EPS15: variants seen among roughly 807,000 people sequenced by gnomAD.
EPS15 encodes the protein epidermal growth factor receptor substrate 15.
In EPS15, 72 loss-of-function variants were observed where a neutral mutation model predicts 113.8. The observed-to-expected ratio is 0.63, with a 90% CI of 0.52 to 0.77. The LOEUF is 0.77. EPS15 is among the 30% of genes least tolerant of loss of function. The pLI, the probability that EPS15 is intolerant of heterozygous loss-of-function variation, is 0.00. For synonymous variants in EPS15, 344 were observed against 363.4 expected (o/e 0.95, Z 0.61); for missense variants, 1,048 against 1,045.8 (o/e 1.00, Z -0.03).
In EPS15 at chr1:51,367,821, GA is replaced by G. The variant is rs1164314911; in HGVS notation, c.2120-1793del. Among the ~76,000 whole-genome samples, 3 of 152,280 alleles carry G rather than the reference GA, an allele frequency of 2.0e-5. No individual in the cohort carries two copies. In the East Asian group the frequency reaches 5.8e-4, roughly 29 times the overall value. ...GAAAGAACTGCAAAAGAGAAGGCAA[GA>G]CAAAGAGGCACAGAAAAGTTCTCCT... On this transcript the variant is annotated intron_variant, in intron 21 of 24. Coordinates refer to ENST00000371733, the MANE Select transcript of EPS15 (RefSeq NM_001981.3).
intron 2 of EPS15, among the ~76,000 whole-genome samples, chr1:51,474,921 A>C (rs1570384086): frequency 6.7e-6 from 1 of 149,422 alleles, no homozygotes; most frequent in African/African-American, 2.5e-5. Context: ...TATGAGTGAG[A>C]ACATGCGGTG....
At chr1:51,378,018 C>A (rs374560451) in intron 21 of EPS15, among the ~76,000 whole-genome samples, 1 of 151,964 alleles carries the variant, frequency 6.6e-6, no homozygotes, top group African/African-American at 2.4e-5. Flanking sequence ...GCCTCAGCCT[C>A]CCAAGTAGCT....
intron 21 of EPS15, among the ~76,000 whole-genome samples, chr1:51,391,004 C>A (rs1159856995): frequency 6.6e-6 from 1 of 152,158 alleles, no homozygotes; most frequent in African/African-American, 2.4e-5. Context: ...GCTATAAAGA[C>A]ACATGCACAC....
intron 1 of EPS15, 100 bp downstream of exon 1, chr1:51,519,099 C>CT: frequency 1.3e-6 from 1 of 797,338 alleles, no homozygotes; most frequent in South Asian, 2.3e-5. Flanking sequence ...AGCCAAGAAG[C>CT]TGCCTGCTTG....
At chr1:51,489,931 G>A (rs561840473) in intron 1 of EPS15, among the ~76,000 whole-genome samples, 8 of 152,268 alleles carry the variant, frequency 5.3e-5, no homozygotes, top group South Asian at 2.1e-4. Context: ...TGATTCCTAG[G>A]AAGCCTATAA....
chr1:51,450,247 G>A (rs373460820), intron 8 of EPS15, among the ~76,000 whole-genome samples: 15 of 151,808 alleles, frequency 9.9e-5, no homozygotes, highest in South Asian at 4.1e-4. Context: ...CACTGGGGGG[G>A]GCTGTATTTT....
At chr1:51,472,198 A>G (rs1655291902) in intron 3 of EPS15, among the ~76,000 whole-genome samples, 1 of 152,180 alleles carries the variant, frequency 6.6e-6, no homozygotes, top group Non-Finnish European at 1.5e-5. Flanking sequence ...CATTCAAGGC[A>G]CCAGGGAAAG....
intron 1 of EPS15, 118 bp downstream of exon 1, chr1:51,519,081 G>T (rs535158465): frequency 1.6e-6 from 1 of 634,054 alleles, no homozygotes; most frequent in Non-Finnish European, 2.4e-6. Context: ...CCGGCCGCCC[G>T]GCCCACAAGC....
At position 51,355,128 on chromosome 1, in the gene EPS15, G is replaced by A. The variant is rs1646191117; in HGVS notation, c.*1572C>T. On this transcript the variant is annotated 3_prime_UTR_variant, in exon 25 of 25. Coordinates refer to ENST00000371733, the MANE Select transcript of EPS15 (RefSeq NM_001981.3). ...TGCAGAAATGTTTCTATTTACAAAG[G>A]TAGAAAAAAGTTAGCAGTGCAAGAT... is the stretch of plus-strand genomic sequence containing the variant. 2 of 218,166 alleles carry A rather than the reference G, an allele frequency of 9.2e-6. No individual in the cohort carries two copies. The highest frequency in any genetic ancestry group is 6.8e-5 in the East Asian group (1 of 14,716). The allele number at this position is 218,166 out of a possible 1,614,324, so 13.5% of individuals were successfully genotyped here.
intron 24 of EPS15, 136 bp downstream of exon 24, chr1:51,361,035 T>C: frequency 1.5e-6 from 1 of 679,286 alleles, no homozygotes; most frequent in Non-Finnish European, 2.5e-6. Context: ...GAGGTTTTGC[T>C]TGGGGGAAGA....
intron 8 of EPS15, among the ~76,000 whole-genome samples, chr1:51,455,956 A>C (rs1653966225): frequency 6.6e-6 from 1 of 152,040 alleles, no homozygotes; most frequent in African/African-American, 2.4e-5. Flanking sequence ...AAAAAAAAAA[A>C]ACCAAAAAAC....
intron 21 of EPS15, among the ~76,000 whole-genome samples, chr1:51,391,797 T>C (rs1351460788): frequency 2.0e-5 from 3 of 152,188 alleles, no homozygotes; most frequent in Non-Finnish European, 4.4e-5. Flanking sequence ...TCTAAGATTT[T>C]AGGCCTGGAC....
chr1:51,365,765 T>C (rs1195965094), intron 22 of EPS15, among the ~76,000 whole-genome samples, 188 bp downstream of exon 22: 1 of 152,180 alleles, frequency 6.6e-6, no homozygotes, highest in Non-Finnish European at 1.5e-5. Flanking sequence ...CAATACAGTC[T>C]AGTTATATAA....
intron 13 of EPS15, among the ~76,000 whole-genome samples, chr1:51,414,303 C>T (rs779523516): frequency 6.6e-6 from 1 of 151,780 alleles, no homozygotes; most frequent in Non-Finnish European, 1.5e-5. Context: ...ATTCCCGCTA[C>T]TAGGGAGACT....
In EPS15 at chr1:51,513,169, G is replaced by A. The variant is rs550231427; in HGVS notation, c.33+6030C>T. ...TCTATGCAGATTAAAAGTATCCTCT[G>A]GCCCAAAAATTACACCTACTAGAAA... On this transcript the variant is annotated intron_variant, in intron 1 of 24. Coordinates refer to ENST00000371733, the MANE Select transcript of EPS15 (RefSeq NM_001981.3). Among the ~76,000 whole-genome samples the A allele has an allele frequency of 3.4e-4, 51 of 152,056 alleles. No homozygotes were observed. The South Asian group carries it at 0.01, about 31-fold the overall frequency.
chr1:51,403,593 A>G (rs1357352367), intron 16 of EPS15, 61 bp from the exon 17 acceptor site: 4 of 824,338 alleles, frequency 4.9e-6, no homozygotes, highest in Non-Finnish European at 7.6e-6. Flanking sequence ...GAGAAAACTG[A>G]CTAAAGATAA....
intron 12 of EPS15, among the ~76,000 whole-genome samples, chr1:51,435,000 G>C (rs180815537): frequency 1.3e-5 from 2 of 151,348 alleles, no homozygotes; most frequent in Non-Finnish European, 2.9e-5. Context: ...CCACTGAATT[G>C]TATGTTTAAA....
chr1:51,384,284 CT>C (rs1448740287), intron 21 of EPS15, among the ~76,000 whole-genome samples: 20 of 130,546 alleles, frequency 1.5e-4, no homozygotes, highest in South Asian at 2.5e-4. Flanking sequence ...CAGTCTTTTT[CT>C]TTTTCTTTCT....
chr1:51,412,155 A>C (rs1317870603), intron 13 of EPS15, among the ~76,000 whole-genome samples: 1 of 152,188 alleles, frequency 6.6e-6, no homozygotes, highest in East Asian at 1.9e-4. Context: ...GGAGCTGAAC[A>C]ATGAGAACGC....
Sources: gnomAD v4.1 joint callset for allele counts (sites outside exome capture counted in the v4.1 genomes callset) on GRCh38, gnomAD v4.1.1 for gene constraint, MANE v1.5 for transcripts, NCBI Gene and HGNC (gene_info 2026-07-23, HGNC 2026-07-21) for gene names.